Variants in NMRK2 observed in about 807,000 individuals in gnomAD.
The protein encoded by NMRK2 is nicotinamide riboside kinase 2, also known as NRK 2.
NMRK2 carries 34 observed loss-of-function variants against 24.7 expected under a neutral mutation model. That is an observed-to-expected ratio of 1.37 (90% CI 1.05 to 1.83). The LOEUF (loss-of-function observed/expected upper bound fraction) is 1.83. NMRK2 is among the 40% of genes most tolerant of loss of function. The probability of loss-of-function intolerance (pLI) is 0.00; values close to 1 mark genes in which losing one functional copy is unlikely to be tolerated. For synonymous variants in NMRK2, 145 were observed against 125.6 expected (o/e 1.15, Z -1.03); for missense variants, 341 against 315.0 (o/e 1.08, Z -0.62).
At chr19:3,935,780 T>G (rs1389369769) in intron 2 of NMRK2, among the ~76,000 whole-genome samples, 1 of 151,446 alleles carries the variant, frequency 6.6e-6, no homozygotes, top group East Asian at 2.0e-4. Context: ...GGTCTTACTA[T>G]GTTGCCCAGG....
In NMRK2 at chr19:3,936,622, C is replaced by T. The variant is rs2039218452; in HGVS notation, c.74C>T (p.Ala25Val). The change falls in exon 3 of 8, where the codon GCC (alanine) becomes GTC (valine). Residue 25 changes from alanine to valine, a missense_variant. By Grantham distance (64) the Ala-to-Val change is moderately conservative. Transcript: ENST00000168977. ...KTTLTNSLLRALPNCCVIHQD... is the reference protein window; with the variant it reads ...KTTLTNSLLRVLPNCCVIHQD... ...ACGCTGACCAACAGCCTGCTCAGAG[C>T]CCTGCCCAACTGCTGCGTGATCCAT... 1 of 1,574,904 alleles carries T rather than the reference C, an allele frequency of 6.3e-7. No homozygotes were observed.
chr19:3,933,883 T>A (rs536092833), intron 2 of NMRK2, among the ~76,000 whole-genome samples, 186 bp downstream of exon 2: 38 of 151,778 alleles, frequency 2.5e-4, no homozygotes, highest in African/African-American at 8.9e-4. Flanking sequence ...GAAGGGGGGC[T>A]GGACACTGAG....
intron 7 of NMRK2, 42 bp from the exon 8 acceptor site, chr19:3,942,041 C>G (rs370442903): frequency 4.4e-6 from 7 of 1,573,722 alleles, no homozygotes; most frequent in Non-Finnish European, 5.2e-6. Context: ...TGCTCTGGCC[C>G]CCTTCCTCCC....
intron 4 of NMRK2, 24 bp from the exon 5 acceptor site, chr19:3,938,579 C>T: frequency 1.3e-6 from 2 of 1,538,344 alleles, no homozygotes; most frequent in Non-Finnish European, 1.8e-6. Flanking sequence ...TGCCCTCCTG[C>T]AATGCCTGCT....
chr19:3,940,176 G>C (rs1017589558), intron 6 of NMRK2, among the ~76,000 whole-genome samples: 58 of 140,368 alleles, frequency 4.1e-4, no homozygotes, highest in African/African-American at 1.5e-3. Context: ...GTGAAACCCC[G>C]TCTCTACTAA....
Position 3,933,576 on chromosome 19 carries a change from T to C in NMRK2, c.-96T>C, listed in dbSNP as rs919763196. 75 of 1,436,380 alleles carry C rather than the reference T, an allele frequency of 5.2e-5. No individual in the cohort carries two copies. The highest frequency in any genetic ancestry group is 6.7e-5 in the Non-Finnish European group (72 of 1,075,128). The allele number at this position is 1,436,380 out of a possible 1,614,324, so 89.0% of individuals were successfully genotyped here. On this transcript the variant is annotated 5_prime_UTR_variant, in exon 2 of 8. Transcript: ENST00000168977. ...CGAGACCTATAAAGGCGCCAGGTTT[T>C]CTCAATGAAGCCGGGACGCACTCCG... is the stretch of plus-strand genomic sequence containing the variant.
chr19:3,937,219 G>T, intron 3 of NMRK2, 21 bp from the exon 4 acceptor site: 1 of 1,612,622 alleles, frequency 6.2e-7, no homozygotes, highest in Non-Finnish European at 8.5e-7. Context: ...TGAGCCCGAG[G>T]TTCAGGCTCC....
Position 3,938,661 on chromosome 19 carries a change from C to A in NMRK2, c.225C>A (p.Ser75Arg). The change falls in exon 5 of 8, where the codon AGC (serine) becomes AGA (arginine). Residue 75 changes from serine (S) to arginine (R), a missense_variant. Coordinates refer to ENST00000168977, the MANE Select transcript of NMRK2 (RefSeq NM_170678.3). Reference sequence around the variant, plus strand: ...ACACCGTGCAGGCCTGGCTGAGCAGCCCGCAGAAGTTTGCCCGTGCCCACG... The same window carrying A: ...ACACCGTGCAGGCCTGGCTGAGCAGACCGCAGAAGTTTGCCCGTGCCCACG... ...MLDTVQAWLS[S>R]PQKFARAHGV... 1.2e-6 allele frequency: 2 copies of A among 1,612,314 alleles called. No homozygotes were observed. Among genetic ancestry groups the A allele is most frequent in the South Asian group, 1.1e-5 (1 of 90,942 alleles).
chr19:3,935,251 CTTTTT>C (rs900517564), intron 2 of NMRK2, among the ~76,000 whole-genome samples: 16 of 105,640 alleles, frequency 1.5e-4, no homozygotes, highest in African/African-American at 3.6e-4. Flanking sequence ...TTCCGTCAGT[CTTTTT>C]TTTTTTTTTT....
rs190215881 is a variant in NMRK2, at chr19:3,935,893, C to T, written c.27-682C>T. Among the ~76,000 whole-genome samples the T allele has an allele frequency of 7.8e-4, 117 of 150,840 alleles. 1 individual carries two copies. In the Middle Eastern group the frequency reaches 0.02, roughly 26 times the overall value. ...GCCGGTGCTGTTTTATTTTTTTAAGCCCTGCTGAGACTAAATCAATTTCCT... is the reference window on the plus strand; with the variant it reads ...GCCGGTGCTGTTTTATTTTTTTAAGTCCTGCTGAGACTAAATCAATTTCCT... On this transcript the variant is annotated intron_variant, in intron 2 of 7. Coordinates refer to ENST00000168977, the MANE Select transcript of NMRK2 (RefSeq NM_170678.3).
Position 3,942,416 on chromosome 19 carries a change from A to G in NMRK2, c.*143A>G. On this transcript the variant is annotated 3_prime_UTR_variant, in exon 8 of 8. Transcript: ENST00000168977. ...TAGTAAACTGGGTCCTGTTTTTTTAACTGTTGGTGTCTACCGTGTTCTGTC... is the reference window on the plus strand; with the variant it reads ...TAGTAAACTGGGTCCTGTTTTTTTAGCTGTTGGTGTCTACCGTGTTCTGTC... The G allele has an allele frequency of 1.4e-6, 1 of 702,446 alleles. No homozygotes were observed. The highest frequency in any genetic ancestry group is 2.3e-6 in the Non-Finnish European group (1 of 428,944). 43.5% of individuals were successfully genotyped at this position (702,446 alleles called of 1,614,324 possible).
chr19:3,937,149 C>T, intron 3 of NMRK2, 91 bp from the exon 4 acceptor site: 1 of 1,329,838 alleles, frequency 7.5e-7, no homozygotes, highest in Non-Finnish European at 1.1e-6. Context: ...CTCAGCAGCT[C>T]CAGCAAGGGA....
intron 3 of NMRK2, 152 bp from the exon 4 acceptor site, chr19:3,937,088 A>G: frequency 1.4e-6 from 1 of 700,332 alleles, no homozygotes; most frequent in Non-Finnish European, 2.5e-6. Context: ...GAGATGATTG[A>G]TGGTCTGGGG....
chr19:3,937,147 C>A, intron 3 of NMRK2, 93 bp from the exon 4 acceptor site: 3 of 1,296,122 alleles, frequency 2.3e-6, no homozygotes, highest in Non-Finnish European at 3.3e-6. Context: ...ACCTCAGCAG[C>A]TCCAGCAAGG....
At chr19:3,933,772 A>G in intron 2 of NMRK2, 75 bp downstream of exon 2, 1 of 1,323,966 alleles carries the variant, frequency 7.6e-7, no homozygotes, top group Non-Finnish European at 9.7e-7. Flanking sequence ...AGGCCCGGGA[A>G]TGAATGGAGG....
intron 2 of NMRK2, among the ~76,000 whole-genome samples, chr19:3,935,251 C>CT (rs900517564): frequency 0.15 from 16,241 of 105,668 alleles, 1,455 homozygotes; most frequent in East Asian, 0.18. Flanking sequence ...TTCCGTCAGT[C>CT]TTTTTTTTTT....
chr19:3,936,656 C>T lies in NMRK2; in HGVS notation c.108C>T (p.Asp36=). The T allele has an allele frequency of 6.4e-7, 1 of 1,566,784 alleles. No homozygotes were observed. Among genetic ancestry groups the T allele is most frequent in the Non-Finnish European group, 8.7e-7 (1 of 1,155,942 alleles). Residue 36 remains aspartate (D), a synonymous_variant, in exon 3 of 8, where the codon GAC becomes GAT. Coordinates refer to ENST00000168977, the MANE Select transcript of NMRK2 (RefSeq NM_170678.3). The part of the protein sequence containing the change: ...LPNCCVIHQD[D]FFKPQDQIAV... ...ACTGCTGCGTGATCCATCAGGATGA[C>T]TTCTTCAAGGTGCCCGCCCTTGCCC...
chr19:3,935,841 G>A (rs1460660761), intron 2 of NMRK2, among the ~76,000 whole-genome samples: 1 of 152,014 alleles, frequency 6.6e-6, no homozygotes, highest in Non-Finnish European at 1.5e-5. Context: ...AAAGTGCTGG[G>A]ATTACAGGCA....
intron 2 of NMRK2, among the ~76,000 whole-genome samples, chr19:3,934,554 GTT>G (rs34611890): frequency 0.53 from 75,287 of 143,174 alleles, 20,453 homozygotes; most frequent in East Asian, 0.85. Context: ...GTTTTTTGGG[GTT>G]TTTTTTTTTG....
Sources: allele counts gnomAD v4.1 joint callset (sites outside exome capture counted in the v4.1 genomes callset), GRCh38; gene constraint gnomAD v4.1.1; transcripts MANE v1.5; gene names NCBI Gene and HGNC (gene_info 2026-07-23, HGNC 2026-07-21).